TRPV6: variants seen among roughly 807,000 people sequenced by gnomAD.
TRPV6 encodes Alu-binding protein with zinc finger domain.
A neutral mutation model predicts 79.0 loss-of-function variants in TRPV6; 39 were observed. The ratio of observed to expected loss-of-function variants is 0.49; its 90% CI spans 0.38 to 0.64. The LOEUF (loss-of-function observed/expected upper bound fraction) is 0.64. TRPV6 is among the 30% of genes least tolerant of loss of function. TRPV6 has a pLI of 0.00. For synonymous variants in TRPV6, 373 were observed against 391.9 expected, an observed-to-expected ratio of 0.95 and a Z score of 0.57; for missense variants, 813 against 1,011.1, an observed-to-expected ratio of 0.80 and a Z score of 2.66.
rs1377639407 is a variant in TRPV6 at position 142,874,832 on chromosome 7, G to A, written c.1406+72C>T. 7.5e-6 allele frequency: 12 copies of A among 1,594,022 alleles called. No individual in the cohort carries two copies. The East Asian group carries it at 2.5e-4, about 33-fold the overall frequency. ...GGCTCTGGAGCTAAGGTTCTTGAGA[G>A]GTCAGGAATCCAAGGAGTGGAACTG... On this transcript the variant is annotated intron_variant, in intron 10 of 14. Transcript: ENST00000359396.
Position 142,874,474 on chromosome 7 carries a change from T to C in TRPV6, c.1572+17A>G, listed in dbSNP as rs773696299. On this transcript the variant is annotated intron_variant, in intron 11 of 14. Transcript: ENST00000359396. The stretch of plus-strand genomic sequence containing the variant: ...GCTCTGGGGCCTTTCTCTAGGGAGC[T>C]TGGGGGGAGGACTGACCTTCTGAAT... 6.0e-5 allele frequency: 97 copies of C among 1,613,588 alleles called. No individual in the cohort carries two copies. In the East Asian group the frequency reaches 1.0e-3, roughly 17 times the overall value.
chr7:142,881,080 T>C, intron 1 of TRPV6: 1 of 152,156 alleles, frequency 6.6e-6, no homozygotes, highest in Non-Finnish European at 1.5e-5. Context: ...TGCAATAACC[T>C]CATATGCCCA....
In TRPV6 at chr7:142,877,646, C is replaced by G. The variant is rs1795104293; in HGVS notation, c.469+5G>C. 1 of 1,613,918 alleles carries G rather than the reference C, an allele frequency of 6.2e-7. No homozygotes were observed. Among genetic ancestry groups the G allele is most frequent in the South Asian group, 1.1e-5 (1 of 91,064 alleles). On this transcript the variant is annotated splice_donor_5th_base_variant and intron_variant, in intron 3 of 14. Transcript: ENST00000359396. ...GCTCTTCACCCCAGACCCGTGGGCC[C>G]TCACCCTCATAGAGCTCAGATGTCA...
rs1051012071 is a variant in TRPV6, at chr7:142,875,838, G to C, written c.949C>G (p.Leu317Val). Reference sequence around the variant, plus strand: ...GAGTCGATCTCTGTGAGGTCATAGAGAGTCGAGGTCAGTGGTCCATACGTC... The same window carrying C: ...GAGTCGATCTCTGTGAGGTCATAGACAGTCGAGGTCAGTGGTCCATACGTC... The change falls in exon 7 of 15, where the codon CTC becomes GTC. Residue 317 changes from leucine (L) to valine (V), a missense_variant. By Grantham distance (32) the Leu-to-Val change is conservative. Transcript: ENST00000359396. The C allele has an allele frequency of 6.2e-7, 1 of 1,611,730 alleles. No homozygotes were observed. Among genetic ancestry groups the C allele is most frequent in the African/African-American group, 1.3e-5 (1 of 74,762 alleles).
intron 11 of TRPV6, 64 bp downstream of exon 11, chr7:142,874,427 A>G (rs1795008797): frequency 6.3e-7 from 1 of 1,599,186 alleles, no homozygotes; most frequent in Admixed American, 1.7e-5. Flanking sequence ...TCTGCCCTTT[A>G]TGGGACCGTC....
intron 14 of TRPV6, 58 bp downstream of exon 14, chr7:142,872,313 AG>A: frequency 6.4e-7 from 1 of 1,567,818 alleles, no homozygotes; most frequent in South Asian, 1.1e-5. Flanking sequence ...CTGTCTGAGC[AG>A]GGGGATACCC....
At position 142,871,695 on chromosome 7, in the gene TRPV6, G is replaced by T. The variant is rs1794933828; in HGVS notation, c.*12C>A. The T allele has an allele frequency of 1.3e-6, 2 of 1,565,978 alleles. No individual in the cohort carries two copies. The highest frequency in any genetic ancestry group is 1.7e-6 in the Non-Finnish European group (2 of 1,153,358). On this transcript the variant is annotated 3_prime_UTR_variant, in exon 15 of 15. Coordinates refer to ENST00000359396, the MANE Select transcript of TRPV6 (RefSeq NM_018646.6). ...GAGAGCAAGTTCCAGGAAGCGAAGT[G>T]AGAACACGCAGTCAGATCTGATATT...
intron 1 of TRPV6, chr7:142,882,693 CAT>C (rs1423068795): frequency 1.3e-5 from 2 of 152,206 alleles, no homozygotes; most frequent in African/African-American, 4.8e-5. Context: ...CTTTTGTGCA[CAT>C]GTCTATTTGC....
chr7:142,883,101 G>A (rs1002613382), intron 1 of TRPV6: 9 of 152,176 alleles, frequency 5.9e-5, no homozygotes, highest in Non-Finnish European at 1.2e-4. Context: ...CTGAGAGCAG[G>A]AACAGTGTCA....
rs201115204 is a variant in TRPV6 at position 142,875,721 on chromosome 7, C to T, written c.1029+37G>A. On this transcript the variant is annotated intron_variant, in intron 7 of 14. Transcript: ENST00000359396. ...AACAGGTGGCTCAGAGACCCTGACA[C>T]CCCTCCCCAGCCACAGCCTGCTGTC... 9.4e-6 allele frequency: 15 copies of T among 1,600,166 alleles called. No individual in the cohort carries two copies. The South Asian group carries it at 1.5e-4, about 16-fold the overall frequency.
chr7:142,884,357 T>A (rs551792688), intron 1 of TRPV6: 1 of 152,344 alleles, frequency 6.6e-6, no homozygotes, highest in South Asian at 2.1e-4. Flanking sequence ...AGGCTCCTAC[T>A]CTTGGGGTCA....
At chr7:142,877,476 G>T in intron 3 of TRPV6, 175 bp downstream of exon 3, 1 of 1,441,238 alleles carries the variant, frequency 6.9e-7, no homozygotes, top group Non-Finnish European at 9.3e-7. Context: ...ATTTCAGGGG[G>T]CAGGCGTTCT....
At chr7:142,877,397 T>C (rs4987655) in intron 3 of TRPV6, 118 bp from the exon 4 acceptor site, 143,942 of 1,518,522 alleles carry the variant, frequency 0.095, 14,298 homozygotes, top group African/African-American at 0.52. Context: ...AACAGGGAGC[T>C]CTCGGGTGTT....
chr7:142,872,489 G>A lies in TRPV6; in HGVS notation c.1909-11C>T. On this transcript the variant is annotated splice_polypyrimidine_tract_variant and intron_variant, in intron 13 of 14. Transcript: ENST00000359396. ...TGTGGTGGCCACAATCTGCGTATGG[G>A]AACAAAAGGAGAAGTCAGAGATGAG... 6.2e-7 allele frequency: 1 copy of A among 1,608,784 alleles called. No homozygotes were observed. The highest frequency in any genetic ancestry group is 1.1e-5 in the South Asian group (1 of 90,020).
chr7:142,882,277 A>T (rs1025180890), intron 1 of TRPV6: 10 of 152,242 alleles, frequency 6.6e-5, no homozygotes, highest in Non-Finnish European at 1.5e-5. Context: ...TTCCCGCAGC[A>T]TCTCACTCAT....
Position 142,873,880 on chromosome 7 carries a change from C to A in TRPV6, c.1640-164G>T, listed in dbSNP as rs1430316353. 9.0e-7 allele frequency: 1 copy of A among 1,115,582 alleles called. No individual in the cohort carries two copies. Among genetic ancestry groups the A allele is most frequent in the African/African-American group, 1.6e-5 (1 of 63,510 alleles). 69.1% of individuals were successfully genotyped at this position (1,115,582 alleles called of 1,614,324 possible). On this transcript the variant is annotated intron_variant, in intron 12 of 14. Coordinates refer to ENST00000359396, the MANE Select transcript of TRPV6 (RefSeq NM_018646.6). This position sits in a 1 kb window ranked among gnomAD's most constrained non-coding sequence, Gnocchi z 4.8. ...ACGGTCCCTAGTTTTGTATGAGCCTCATCTTGATCCTAAGAGCCACCTCTC... is the reference window on the plus strand; with the variant it reads ...ACGGTCCCTAGTTTTGTATGAGCCTAATCTTGATCCTAAGAGCCACCTCTC...
chr7:142,876,599 G>T lies in TRPV6; in HGVS notation c.707-16C>A. 6.2e-7 allele frequency: 1 copy of T among 1,613,720 alleles called. No homozygotes were observed. On this transcript the variant is annotated splice_polypyrimidine_tract_variant and intron_variant, in intron 5 of 14. Transcript: ENST00000359396. ...ACTGTGTTTCCTGGGGAGGACACAG[G>T]GTATCATGTGGCCACTGGCCTAAAG...
chr7:142,874,438 T>G, intron 11 of TRPV6, 53 bp downstream of exon 11: 1 of 1,608,246 alleles, frequency 6.2e-7, no homozygotes, highest in Non-Finnish European at 8.5e-7. Context: ...TGGGACCGTC[T>G]GCTGACTGTG....
At chr7:142,876,151 G>C in intron 6 of TRPV6, 1 of 683,210 alleles carries the variant, frequency 1.5e-6, no homozygotes, top group Non-Finnish European at 2.4e-6. Flanking sequence ...TGCTCTGGGG[G>C]CTGAAAGGGA....
Sources: allele counts gnomAD v4.1 joint callset, GRCh38; gene constraint gnomAD v4.1.1; non-coding constraint Gnocchi (gnomAD v3.1); transcripts MANE v1.5; gene names NCBI Gene and HGNC (gene_info 2026-07-23, HGNC 2026-07-21).